Variants in ARHGEF3 observed in about 807,000 individuals in gnomAD.
ARHGEF3 encodes the protein 59.8 kDA protein.
Under a neutral mutation model 63.2 loss-of-function variants are expected in ARHGEF3, and 28 were observed. The observed-to-expected ratio is 0.44, with a 90% CI of 0.33 to 0.61. The LOEUF (loss-of-function observed/expected upper bound fraction) is 0.61. Among genes scored for constraint, ARHGEF3 ranks in the 20% least tolerant of loss-of-function variants. The probability of loss-of-function intolerance (pLI) is 0.03; values close to 1 mark genes in which losing one functional copy is unlikely to be tolerated. For synonymous variants in ARHGEF3, 266 were observed against 254.2 expected (o/e 1.05, Z -0.44); for missense variants, 533 against 659.3 (o/e 0.81, Z 2.10).
chr3:57,068,611 A>G (rs978443404), intron 1 of ARHGEF3, among the ~76,000 whole-genome samples: 1 of 152,240 alleles, frequency 6.6e-6, no homozygotes, highest in Non-Finnish European at 1.5e-5. Flanking sequence ...CAGGGCTTTT[A>G]TAAAACTAAA....
chr3:56,964,644 A>G (rs1227539964), intron 2 of ARHGEF3, among the ~76,000 whole-genome samples: 1 of 152,114 alleles, frequency 6.6e-6, no homozygotes, highest in Admixed American at 6.6e-5. Context: ...ATTCAGATCC[A>G]CCCTGTTCCC....
chr3:56,958,319 ATTTTT>A (rs532097300), intron 3 of ARHGEF3, among the ~76,000 whole-genome samples: 3 of 133,260 alleles, frequency 2.3e-5, no homozygotes, highest in Non-Finnish European at 3.2e-5. Flanking sequence ...GGCCACTTGA[ATTTTT>A]TTTTTTTTTT....
At chr3:56,969,148 CTTG>C (rs1700796558) in intron 2 of ARHGEF3, among the ~76,000 whole-genome samples, 1 of 112,554 alleles carries the variant, frequency 8.9e-6, no homozygotes, top group Non-Finnish European at 1.9e-5. Flanking sequence ...TAAAGATCTA[CTTG>C]AACAAAGCAA....
rs181413645 is a variant in ARHGEF3 at position 56,864,598 on chromosome 3, C to A, written c.192+17694G>T. Among the ~76,000 whole-genome samples the A allele has an allele frequency of 3.2e-4, 48 of 152,312 alleles. No homozygotes were observed. The East Asian group carries it at 8.7e-3, about 28-fold the overall frequency. On this transcript the variant is annotated intron_variant, in intron 4 of 12. Coordinates refer to the ARHGEF3 transcript ENST00000338458. ...TGGACTGTAAGTCACCAGCACCTTGCCTGGTTTGCTCACCATGTTATTCTC... is the reference window on the plus strand; with the variant it reads ...TGGACTGTAAGTCACCAGCACCTTGACTGGTTTGCTCACCATGTTATTCTC...
At chr3:56,998,717 T>C (rs893230817) in intron 2 of ARHGEF3, among the ~76,000 whole-genome samples, 2 of 152,206 alleles carry the variant, frequency 1.3e-5, no homozygotes, top group African/African-American at 4.8e-5. Flanking sequence ...CAAGAAATGA[T>C]AGATTCAAAC....
At chr3:56,862,821 G>T (rs2040124232) in intron 4 of ARHGEF3, among the ~76,000 whole-genome samples, 1 of 152,124 alleles carries the variant, frequency 6.6e-6, no homozygotes, top group Non-Finnish European at 1.5e-5. Context: ...CACCCCCTTA[G>T]CAAACCTCCC....
intron 3 of ARHGEF3, among the ~76,000 whole-genome samples, chr3:56,948,063 A>G (rs1238222513): frequency 6.6e-6 from 1 of 152,194 alleles, no homozygotes; most frequent in Non-Finnish European, 1.5e-5. Flanking sequence ...AGAAATTAAC[A>G]TGTTCTTTGA....
At chr3:56,849,094 A>AT (rs2039585825) in intron 4 of ARHGEF3, among the ~76,000 whole-genome samples, 1 of 152,138 alleles carries the variant, frequency 6.6e-6, no homozygotes, top group Non-Finnish European at 1.5e-5. Context: ...CTTTATTTTT[A>AT]TCTTAATTTC....
intron 1 of ARHGEF3, among the ~76,000 whole-genome samples, chr3:57,044,948 A>G (rs954964358): frequency 6.6e-6 from 1 of 152,224 alleles, no homozygotes; most frequent in African/African-American, 2.4e-5. Flanking sequence ...CCAATGGAAC[A>G]AAAAAGTTTT....
rs527542276 is a variant in ARHGEF3, at chr3:56,733,902, T to A, written c.1042-1478A>T. The stretch of plus-strand genomic sequence containing the variant: ...AGGAGGCTGAGGCAGAAGAACTGCT[T>A]GAACCCAGGAGGTGGAGGTTGCAGT... On this transcript the variant is annotated intron_variant, in intron 8 of 9. Coordinates refer to ENST00000296315, the MANE Select transcript of ARHGEF3 (RefSeq NM_019555.3). 6.5e-4 allele frequency among the ~76,000 whole-genome samples: 95 copies of A among 146,100 alleles called. 1 individual carries two copies. Among genetic ancestry groups the A allele is most frequent in the African/African-American group, 2.4e-3 (93 of 39,196 alleles).
chr3:56,822,587 G>A (rs1474708619), intron 4 of ARHGEF3, among the ~76,000 whole-genome samples: 2 of 152,150 alleles, frequency 1.3e-5, no homozygotes, highest in African/African-American at 2.4e-5. Flanking sequence ...GTGGCCGGGT[G>A]CAGTGATTCA....
intron 2 of ARHGEF3, among the ~76,000 whole-genome samples, chr3:57,029,866 C>G (rs1703659971): frequency 6.6e-6 from 1 of 152,102 alleles, no homozygotes; most frequent in Admixed American, 6.6e-5. Context: ...GGGTTTCTGG[C>G]TTCTCAAGGT....
chr3:56,846,604 T>A (rs1292928560), intron 4 of ARHGEF3, among the ~76,000 whole-genome samples: 2 of 152,210 alleles, frequency 1.3e-5, no homozygotes, highest in African/African-American at 4.8e-5. Flanking sequence ...TGTAAGCTGT[T>A]TGATTCACTG....
intron 4 of ARHGEF3, among the ~76,000 whole-genome samples, chr3:56,812,876 A>G (rs2038120369): frequency 6.6e-6 from 1 of 152,246 alleles, no homozygotes; most frequent in South Asian, 2.1e-4. Flanking sequence ...GATAATTTTG[A>G]GAGCTCATTC....
intron 3 of ARHGEF3, among the ~76,000 whole-genome samples, chr3:56,931,950 G>A (rs2042422860): frequency 6.6e-6 from 1 of 152,056 alleles, no homozygotes; most frequent in African/African-American, 2.4e-5. Context: ...AAGATTTATG[G>A]GGTTTTTTTG....
At chr3:56,751,428 T>C (rs750060060) in intron 4 of ARHGEF3, 32 bp from the exon 5 acceptor site, 13 of 1,566,474 alleles carry the variant, frequency 8.3e-6, no homozygotes, top group Non-Finnish European at 4.4e-6. Context: ...TGGAAGCACA[T>C]GTTTAAAATC....
At chr3:56,924,606 C>T (rs1186140483) in intron 3 of ARHGEF3, among the ~76,000 whole-genome samples, 3 of 152,196 alleles carry the variant, frequency 2.0e-5, no homozygotes, top group African/African-American at 7.2e-5. Context: ...TCATGCCTCC[C>T]CTTTATAGAA....
At chr3:57,042,671 TA>T (rs1560155938) in intron 1 of ARHGEF3, among the ~76,000 whole-genome samples, 375 of 22,638 alleles carry the variant, frequency 0.017, 32 homozygotes, top group African/African-American at 0.044. Flanking sequence ...TATATATATA[TA>T]TATATATATA....
intron 3 of ARHGEF3, chr3:56,882,441 C>A: frequency 1.9e-6 from 2 of 1,041,884 alleles, no homozygotes; most frequent in Non-Finnish European, 2.9e-6. Flanking sequence ...TCAAATAGCA[C>A]ATGCAATCCT....
Sources: allele counts gnomAD v4.1 joint callset (sites outside exome capture counted in the v4.1 genomes callset), GRCh38; gene constraint gnomAD v4.1.1; transcripts MANE v1.5; gene names NCBI Gene and HGNC (gene_info 2026-07-23, HGNC 2026-07-21).